Variants in TRPM3 observed in about 807,000 individuals in gnomAD.
The protein encoded by TRPM3 is long transient receptor potential channel 3.
In TRPM3, 77 loss-of-function variants were observed where a neutral mutation model predicts 181.2. That is an observed-to-expected ratio of 0.42 (90% confidence interval 0.35 to 0.51). The LOEUF (loss-of-function observed/expected upper bound fraction) is 0.51. Ranked by LOEUF, TRPM3 falls within the 20% of genes least tolerant of loss-of-function variation. TRPM3 has a pLI of 0.01. For missense variants in TRPM3, 1,759 were observed against 2,196.7 expected, an observed-to-expected ratio of 0.80 and a Z score of 3.98; for synonymous variants, 745 against 796.4, an observed-to-expected ratio of 0.94 and a Z score of 1.09.
chr9:71,042,030 G>C (rs562923493), intron 1 of TRPM3, among the ~76,000 whole-genome samples: 1 of 152,178 alleles, frequency 6.6e-6, no homozygotes, highest in African/African-American at 2.4e-5. Context: ...CACACACACA[G>C]AACCTAATTT....
At chr9:70,576,138 T>C (rs1207133202) in intron 22 of TRPM3, among the ~76,000 whole-genome samples, 1 of 152,172 alleles carries the variant, frequency 6.6e-6, no homozygotes, top group African/African-American at 2.4e-5. Context: ...CGGTACAATG[T>C]AGTTTTCATG....
At chr9:70,792,284 G>A (rs2085637612) in intron 6 of TRPM3, among the ~76,000 whole-genome samples, 1 of 152,088 alleles carries the variant, frequency 6.6e-6, no homozygotes, top group South Asian at 2.1e-4. Context: ...GCATACTTGG[G>A]GAATGAAGCC....
chr9:70,877,822 C>CACACACACACAT, intron 1 of TRPM3, among the ~76,000 whole-genome samples: 1 of 151,760 alleles, frequency 6.6e-6, no homozygotes, highest in African/African-American at 2.4e-5. Context: ...CACACACACA[C>CACACACACACAT]ACACACACTC....
intron 1 of TRPM3, among the ~76,000 whole-genome samples, chr9:71,180,955 T>A (rs1384807393): frequency 6.6e-6 from 1 of 152,108 alleles, no homozygotes; most frequent in Non-Finnish European, 1.5e-5. Context: ...GAGAAGTACG[T>A]TGCTAGGATA....
chr9:70,869,074 G>C (rs932325231), intron 1 of TRPM3: 2 of 984,626 alleles, frequency 2.0e-6, no homozygotes, highest in African/African-American at 3.5e-5. Flanking sequence ...TGGTCATTCC[G>C]TTAATAATGC....
intron 1 of TRPM3, among the ~76,000 whole-genome samples, chr9:71,071,742 T>G (rs77743915): frequency 1.9e-4 from 29 of 152,238 alleles, no homozygotes; most frequent in Admixed American, 9.2e-4. Flanking sequence ...CTCTGCCACT[T>G]AGTAAATATA....
chr9:70,586,759 T>C (rs1449103422), intron 22 of TRPM3, among the ~76,000 whole-genome samples: 2 of 152,230 alleles, frequency 1.3e-5, no homozygotes, highest in Non-Finnish European at 2.9e-5. Context: ...AGTTTCATGA[T>C]TGCAATGCAT....
intron 1 of TRPM3, among the ~76,000 whole-genome samples, chr9:71,439,602 C>T (rs142010265): frequency 3.9e-4 from 60 of 152,176 alleles, no homozygotes; most frequent in Non-Finnish European, 6.8e-4. Flanking sequence ...CTGCCCCATG[C>T]AAAATTTTGG....
chr9:70,968,147 A>G (rs1311869928), intron 1 of TRPM3, among the ~76,000 whole-genome samples: 5 of 152,156 alleles, frequency 3.3e-5, no homozygotes, highest in Non-Finnish European at 5.9e-5. Context: ...CTCTTTAAGA[A>G]CTAGTATTGT....
intron 25 of TRPM3, 34 bp from the exon 26 acceptor site, chr9:70,537,439 C>A: frequency 2.1e-6 from 3 of 1,412,444 alleles, no homozygotes; most frequent in Non-Finnish European, 2.8e-6. Flanking sequence ...AGTCACTCGG[C>A]CTGGTTCCTC....
At chr9:71,332,808 C>A (rs1006168173) in intron 1 of TRPM3, among the ~76,000 whole-genome samples, 1 of 143,828 alleles carries the variant, frequency 7.0e-6, no homozygotes, top group Non-Finnish European at 1.6e-5. Context: ...AAAGTGGAAG[C>A]TTTGCCCAGA....
intron 1 of TRPM3, among the ~76,000 whole-genome samples, chr9:70,968,291 T>C (rs185105907): frequency 2.0e-5 from 3 of 152,154 alleles, no homozygotes; most frequent in African/African-American, 7.2e-5. Flanking sequence ...GTCCCTACAA[T>C]GGGCAGGGCT....
In TRPM3 at chr9:70,862,888, C is replaced by T; in HGVS notation, c.462+20G>A. 1.9e-6 allele frequency: 3 copies of T among 1,612,186 alleles called. No homozygotes were observed. Among genetic ancestry groups the T allele is most frequent in the Non-Finnish European group, 1.7e-6 (2 of 1,178,832 alleles). On this transcript the variant is annotated intron_variant, in intron 3 of 25. Coordinates refer to ENST00000677713, the MANE Select transcript of TRPM3 (RefSeq NM_001366145.2). ...GACTTGAGATAGCATTTGGGAGCAA[C>T]TGAATGGCTTTCTGATTACCATGGC...
chr9:71,435,770 G>A (rs553836350), intron 1 of TRPM3, among the ~76,000 whole-genome samples: 2 of 152,286 alleles, frequency 1.3e-5, no homozygotes, highest in African/African-American at 4.8e-5. Flanking sequence ...ACATGTCAAT[G>A]GGGAATAAGG....
chr9:70,984,217 A>G (rs1474885022), intron 1 of TRPM3, among the ~76,000 whole-genome samples: 1 of 152,232 alleles, frequency 6.6e-6, no homozygotes, highest in East Asian at 1.9e-4. Flanking sequence ...AGGCAGATAC[A>G]GTCATTGCCT....
chr9:71,333,996 G>C (rs1022879213), intron 1 of TRPM3, among the ~76,000 whole-genome samples: 2 of 151,786 alleles, frequency 1.3e-5, no homozygotes, highest in South Asian at 2.1e-4. Context: ...ATGCTAATAA[G>C]GGAAATGCCA....
Position 71,121,398 on chromosome 9 carries a change from C to T in TRPM3, c.-44G>A. The T allele has an allele frequency of 1.9e-6, 3 of 1,592,130 alleles. No individual in the cohort carries two copies. Among genetic ancestry groups the T allele is most frequent in the Non-Finnish European group, 2.6e-6 (3 of 1,169,990 alleles). On this transcript the variant is annotated 5_prime_UTR_variant, in exon 1 of 26. Coordinates refer to ENST00000677713, the MANE Select transcript of TRPM3 (RefSeq NM_001366145.2). ...CCTGCAAATTCCATTAGGGCAGAGG[C>T]TTCCTGGAACTTGGAAGACTAGTCA... is the stretch of plus-strand genomic sequence containing the variant.
intron 1 of TRPM3, among the ~76,000 whole-genome samples, chr9:71,167,350 G>A (rs1042225697): frequency 6.6e-6 from 1 of 152,074 alleles, no homozygotes; most frequent in African/African-American, 2.4e-5. Flanking sequence ...TATTTAAAAT[G>A]TACTATTATT....
At position 71,347,599 on chromosome 9, in the gene TRPM3, C is replaced by G. The variant is rs544692525; in HGVS notation, c.183+99054G>C. Among the ~76,000 whole-genome samples, 5 of 152,208 alleles carry G rather than the reference C, an allele frequency of 3.3e-5. No homozygotes were observed. The South Asian group carries it at 1.0e-3, about 32-fold the overall frequency. ...TTTGCTCCCCAGACAATAAATTCAT[C>G]ATCTGTAATTTAACACGATATTTAA... On this transcript the variant is annotated intron_variant, in intron 1 of 24. Coordinates refer to the TRPM3 transcript ENST00000357533.
Sources: gnomAD v4.1 joint callset for allele counts (sites outside exome capture counted in the v4.1 genomes callset) on GRCh38, gnomAD v4.1.1 for gene constraint, MANE v1.5 for transcripts, NCBI Gene and HGNC (gene_info 2026-07-23, HGNC 2026-07-21) for gene names.